NUBPL: variants seen among roughly 807,000 people sequenced by gnomAD.
NUBPL encodes NUBP iron-sulfur cluster assembly factor, mitochondrial.
A neutral mutation model predicts 45.7 loss-of-function variants in NUBPL; 31 were observed. That is an observed-to-expected ratio of 0.68 (90% CI 0.51 to 0.92). NUBPL has a LOEUF of 0.92. NUBPL is among the 40% of genes least tolerant of loss of function. NUBPL has a pLI of 0.00. For synonymous variants in NUBPL, 144 were observed against 140.9 expected, an observed-to-expected ratio of 1.02 and a Z score of -0.15; for missense variants, 401 against 398.7, an observed-to-expected ratio of 1.01 and a Z score of -0.05.
chr14:31,832,955 C>T (rs113064391), intron 8 of NUBPL, among the ~76,000 whole-genome samples: 2,961 of 152,240 alleles, frequency 0.019, 103 homozygotes, highest in African/African-American at 0.067. Flanking sequence ...TCAATGTTTA[C>T]ATAATGTTAT....
At chr14:31,616,575 T>A (rs899638807) in intron 4 of NUBPL, among the ~76,000 whole-genome samples, 3 of 152,070 alleles carry the variant, frequency 2.0e-5, no homozygotes, top group Non-Finnish European at 4.4e-5. Flanking sequence ...AAAGATCAGA[T>A]GGTTGTAGAT....
chr14:31,853,126 A>G (rs1253298286), intron 10 of NUBPL, among the ~76,000 whole-genome samples: 1 of 144,080 alleles, frequency 6.9e-6, no homozygotes, highest in African/African-American at 2.5e-5. Flanking sequence ...TGTTTGAGAC[A>G]GGATCTTACT....
chr14:31,585,486 A>G (rs111884590), intron 3 of NUBPL, among the ~76,000 whole-genome samples: 1,620 of 152,298 alleles, frequency 0.011, 23 homozygotes, highest in African/African-American at 0.037. Flanking sequence ...TTTGGCTATC[A>G]TGACTCATGC....
chr14:31,837,541 A>G (rs1233610255), intron 8 of NUBPL, among the ~76,000 whole-genome samples: 2 of 152,196 alleles, frequency 1.3e-5, no homozygotes, highest in Non-Finnish European at 2.9e-5. Flanking sequence ...CATATTTTAA[A>G]TAGAAAGAAA....
At chr14:31,834,567 G>C (rs1399761221) in intron 8 of NUBPL, among the ~76,000 whole-genome samples, 1 of 152,164 alleles carries the variant, frequency 6.6e-6, no homozygotes, top group African/African-American at 2.4e-5. Context: ...ACCTTTATGA[G>C]ACTGGATAGC....
At chr14:31,698,790 C>T (rs7157366) in intron 6 of NUBPL, among the ~76,000 whole-genome samples, 44,966 of 151,360 alleles carry the variant, frequency 0.3, 7,508 homozygotes, top group South Asian at 0.41. Flanking sequence ...ACTTATTTTT[C>T]GTATTATTAT....
intron 4 of NUBPL, among the ~76,000 whole-genome samples, chr14:31,622,663 C>T (rs2035096452): frequency 6.6e-6 from 1 of 152,222 alleles, no homozygotes; most frequent in African/African-American, 2.4e-5. Flanking sequence ...GGTGCACACT[C>T]CAAATCTTGG....
chr14:31,753,845 G>A (rs2038588286), intron 6 of NUBPL, among the ~76,000 whole-genome samples: 3 of 152,236 alleles, frequency 2.0e-5, no homozygotes, highest in South Asian at 4.1e-4. Context: ...TCTACTTGAA[G>A]TACAGTCATT....
At chr14:31,631,816 T>G (rs1249062889) in intron 4 of NUBPL, among the ~76,000 whole-genome samples, 1 of 149,994 alleles carries the variant, frequency 6.7e-6, no homozygotes, top group Non-Finnish European at 1.5e-5. Context: ...CCCACCCACA[T>G]GAAGGCGGGC....
intron 8 of NUBPL, among the ~76,000 whole-genome samples, chr14:31,831,700 T>C (rs2040196253): frequency 6.6e-6 from 1 of 152,176 alleles, no homozygotes; most frequent in Non-Finnish European, 1.5e-5. Flanking sequence ...GTGTTCAGGA[T>C]TGTTCAGTTT....
intron 7 of NUBPL, among the ~76,000 whole-genome samples, chr14:31,789,250 C>G (rs529142892): frequency 6.6e-6 from 1 of 152,094 alleles, no homozygotes; most frequent in Non-Finnish European, 1.5e-5. Context: ...GACGTGAACC[C>G]AGGAGGCAGA....
At chr14:31,609,313 A>G (rs1249452317) in intron 4 of NUBPL, among the ~76,000 whole-genome samples, 3 of 152,330 alleles carry the variant, frequency 2.0e-5, no homozygotes, top group East Asian at 1.9e-4. Flanking sequence ...ACAAAAATCT[A>G]TAAGAAGAGA....
At chr14:31,653,640 C>T (rs34827813) in intron 4 of NUBPL, among the ~76,000 whole-genome samples, 55,854 of 152,136 alleles carry the variant, frequency 0.37, 12,620 homozygotes, top group East Asian at 0.6. Context: ...ATTGTTCAAA[C>T]GCACATGTTT....
chr14:31,722,720 G>A (rs1451369343), intron 6 of NUBPL, among the ~76,000 whole-genome samples: 1 of 152,068 alleles, frequency 6.6e-6, no homozygotes, highest in African/African-American at 2.4e-5. Flanking sequence ...ATGTTTGTTG[G>A]CTGCACATAT....
At chr14:31,607,198 T>G (rs951984951) in intron 4 of NUBPL, among the ~76,000 whole-genome samples, 1 of 151,926 alleles carries the variant, frequency 6.6e-6, no homozygotes, top group East Asian at 1.9e-4. Flanking sequence ...CTGGGCAACA[T>G]GGTGAAACCC....
rs11435588 is a variant in NUBPL, at chr14:31,607,382, C to CAAA, written c.382+8012_382+8014dup. Among the ~76,000 whole-genome samples the CAAA allele has an allele frequency of 3.6e-5, 5 of 138,174 alleles. No homozygotes were observed. The South Asian group carries it at 9.1e-4, about 25-fold the overall frequency. 90.6% of individuals were successfully genotyped at this position (138,174 alleles called of 152,430 possible). Reference sequence around the variant, plus strand: ...TGGGTGACAGAGTGAGACTTTGTCTCAAAAAAAAAAACAACAAAAAAACAC... The same window carrying CAAA: ...TGGGTGACAGAGTGAGACTTTGTCTCAAAAAAAAAAAAAACAACAAAAAAACAC... On this transcript the variant is annotated intron_variant, in intron 4 of 10. Coordinates refer to ENST00000281081, the MANE Select transcript of NUBPL (RefSeq NM_025152.3).
chr14:31,648,399 G>A (rs2035912906), intron 4 of NUBPL, among the ~76,000 whole-genome samples: 1 of 152,244 alleles, frequency 6.6e-6, no homozygotes, highest in Non-Finnish European at 1.5e-5. Flanking sequence ...CCTAGGTCCT[G>A]TGTCTTGATG....
At chr14:31,721,220 A>C (rs1034508999) in intron 6 of NUBPL, among the ~76,000 whole-genome samples, 1 of 152,150 alleles carries the variant, frequency 6.6e-6, no homozygotes, top group African/African-American at 2.4e-5. Context: ...TTCTCTGATG[A>C]TTTTACTATC....
intron 6 of NUBPL, among the ~76,000 whole-genome samples, chr14:31,782,386 C>T (rs2039207058): frequency 6.6e-6 from 1 of 152,062 alleles, no homozygotes; most frequent in African/African-American, 2.4e-5. Context: ...CAGAGCAAGA[C>T]TCTGTCTCAA....
Sources: gnomAD v4.1 joint callset for allele counts (sites outside exome capture counted in the v4.1 genomes callset) on GRCh38, gnomAD v4.1.1 for gene constraint, MANE v1.5 for transcripts, NCBI Gene and HGNC (gene_info 2026-07-23, HGNC 2026-07-21) for gene names.